The following DROSHA variants were observed in gnomAD, a reference collection of about 807,000 sequenced individuals.
The protein encoded by DROSHA is drosha ribonuclease III.
Under a neutral mutation model 181.9 loss-of-function variants are expected in DROSHA, and 56 were observed. The ratio of observed to expected loss-of-function variants is 0.31; its 90% CI spans 0.25 to 0.38. DROSHA has a LOEUF of 0.38. DROSHA is among the 10% of genes least tolerant of loss of function. The pLI is 1.00. For missense variants in DROSHA, 1,218 were observed against 1,743.5 expected (o/e 0.70, Z 5.37); for synonymous variants, 524 against 591.2 (o/e 0.89, Z 1.65).
At chr5:31,495,033 C>A (rs1752816586) in intron 12 of DROSHA, among the ~76,000 whole-genome samples, 1 of 152,130 alleles carries the variant, frequency 6.6e-6, no homozygotes. Context: ...CACTCCATAG[C>A]TCCAACATTG....
At chr5:31,435,733 G>T (rs760907780) in intron 25 of DROSHA, 32 bp downstream of exon 25, 6 of 1,594,462 alleles carry the variant, frequency 3.8e-6, no homozygotes, top group Middle Eastern at 1.7e-4. Context: ...CATGTCAGAC[G>T]TAACTACAAA....
At chr5:31,491,596 G>T (rs1474739028) in intron 13 of DROSHA, among the ~76,000 whole-genome samples, 3 of 151,720 alleles carry the variant, frequency 2.0e-5, no homozygotes, top group African/African-American at 7.3e-5. Flanking sequence ...AGCCCTCTGT[G>T]GGGAAAAAAG....
At chr5:31,469,901 T>C (rs1431734905) in intron 17 of DROSHA, among the ~76,000 whole-genome samples, 4 of 152,238 alleles carry the variant, frequency 2.6e-5, no homozygotes, top group Admixed American at 2.0e-4. Flanking sequence ...AAAGTGACCA[T>C]AATGGCTTGA....
At position 31,400,748 on chromosome 5, in the gene DROSHA, C is replaced by G. The variant is rs1358047502; in HGVS notation, c.*684G>C. 1 of 152,410 alleles carries G rather than the reference C, an allele frequency of 6.6e-6. No individual in the cohort carries two copies. The highest frequency in any genetic ancestry group is 2.4e-5 in the African/African-American group (1 of 41,442). 9.4% of individuals were successfully genotyped at this position (152,410 alleles called of 1,614,324 possible). ...TTCCTTGAAGTCTGTTCATTAACTT[C>G]TTAAAGGTTCCACTAACCCCAGGGT... On this transcript the variant is annotated 3_prime_UTR_variant, in exon 36 of 36. Transcript: ENST00000344624.
At chr5:31,447,682 G>A (rs1484443447) in intron 23 of DROSHA, among the ~76,000 whole-genome samples, 1 of 152,084 alleles carries the variant, frequency 6.6e-6, no homozygotes, top group Non-Finnish European at 1.5e-5. Flanking sequence ...ATTAAAAATG[G>A]GAAAAGGATC....
At chr5:31,477,633 A>T (rs1252136736) in intron 16 of DROSHA, among the ~76,000 whole-genome samples, 1 of 152,194 alleles carries the variant, frequency 6.6e-6, no homozygotes, top group Non-Finnish European at 1.5e-5. Flanking sequence ...CTAGACAGTC[A>T]ATTTGCAAAA....
In DROSHA at chr5:31,494,215, G is replaced by A. The variant is rs545352952; in HGVS notation, c.1756-922C>T. Among the ~76,000 whole-genome samples the A allele has an allele frequency of 4.5e-3, 688 of 152,052 alleles. 7 individuals are homozygous for A. Among genetic ancestry groups the A allele is most frequent in the African/African-American group, 0.016 (649 of 41,476 alleles). ...ACTCCTGACTTCAGGTGATCCACTC[G>A]CCTCGGCCTCCCAAAGTGCTGGGAT... On this transcript the variant is annotated intron_variant, in intron 12 of 35. Coordinates refer to ENST00000344624, the MANE Select transcript of DROSHA (RefSeq NM_001382508.1).
intron 17 of DROSHA, among the ~76,000 whole-genome samples, chr5:31,469,615 G>A (rs77201864): frequency 0.025 from 3,877 of 152,282 alleles, 81 homozygotes; most frequent in Non-Finnish European, 0.043. Context: ...GCGAACTGTG[G>A]AATAGAATGC....
intron 21 of DROSHA, among the ~76,000 whole-genome samples, chr5:31,451,057 C>A (rs1746946252): frequency 1.3e-5 from 2 of 152,084 alleles, no homozygotes; most frequent in South Asian, 2.1e-4. Context: ...CCAAAATTAG[C>A]CAGGCATGGT....
At chr5:31,421,167 G>A in intron 30 of DROSHA, 105 bp downstream of exon 30, 2 of 876,650 alleles carry the variant, frequency 2.3e-6, no homozygotes, top group Non-Finnish European at 3.6e-6. Context: ...ATAAGCTAAA[G>A]TCACTAAGAG....
chr5:31,422,111 A>C (rs1011087175), intron 29 of DROSHA, among the ~76,000 whole-genome samples: 2 of 150,796 alleles, frequency 1.3e-5, no homozygotes, highest in Non-Finnish European at 2.9e-5. Flanking sequence ...GAAAGAAAGA[A>C]AGAAAAAGAA....
Position 31,515,581 on chromosome 5 carries a change from T to C in DROSHA, c.948-17A>G. ...CCGTAACTCCTAAAAGAAAAAGATA[T>C]TTGCAAAATGTTTGGAAATGTCCAC... On this transcript the variant is annotated splice_polypyrimidine_tract_variant and intron_variant, in intron 6 of 35. Transcript: ENST00000344624. The C allele has an allele frequency of 6.4e-7, 1 of 1,551,286 alleles. No individual in the cohort carries two copies. The highest frequency in any genetic ancestry group is 8.7e-7 in the Non-Finnish European group (1 of 1,146,828).
chr5:31,417,922 A>T (rs968465549), intron 30 of DROSHA, among the ~76,000 whole-genome samples: 1 of 152,110 alleles, frequency 6.6e-6, no homozygotes, highest in Admixed American at 6.5e-5. Flanking sequence ...AGCTGCAAAA[A>T]TGACTTCACA....
Position 31,514,543 on chromosome 5 carries a change from G to A in DROSHA, c.1290+445C>T, listed in dbSNP as rs753204493. ...CCCCGTAGTTCCAGCTACTCAGGAG[G>A]CTGAAGTGGGAGAATCACTTGAGCC... On this transcript the variant is annotated intron_variant, in intron 8 of 35. Coordinates refer to ENST00000344624, the MANE Select transcript of DROSHA (RefSeq NM_001382508.1). This position sits in a 1 kb window ranked among gnomAD's most constrained non-coding sequence, Gnocchi z 4.4. Among the ~76,000 whole-genome samples, 37 of 152,258 alleles carry A rather than the reference G, an allele frequency of 2.4e-4. No homozygotes were observed. The highest frequency in any genetic ancestry group is 5.2e-4 in the Admixed American group (8 of 15,304).
chr5:31,429,440 A>G lies in DROSHA; in HGVS notation c.3216+35T>C, dbSNP rs577258492. The stretch of plus-strand genomic sequence containing the variant: ...GAAATAAAATATTCTGTAATAATAT[A>G]TAACAAAAAAAATCAAATGATTCCA... On this transcript the variant is annotated intron_variant, in intron 27 of 35. Coordinates refer to ENST00000344624, the MANE Select transcript of DROSHA (RefSeq NM_001382508.1). 30 of 1,572,778 alleles carry G rather than the reference A, an allele frequency of 1.9e-5. No individual in the cohort carries two copies. In the East Asian group the frequency reaches 6.1e-4, roughly 32 times the overall value.
chr5:31,418,356 G>T (rs111427833), intron 30 of DROSHA, among the ~76,000 whole-genome samples: 58 of 152,214 alleles, frequency 3.8e-4, no homozygotes, highest in African/African-American at 1.4e-3. Context: ...TGCAACCACA[G>T]CTCCTGGGCT....
intron 34 of DROSHA, 41 bp from the exon 35 acceptor site, chr5:31,405,764 A>C (rs1329275766): frequency 5.5e-6 from 3 of 544,946 alleles, no homozygotes; most frequent in Non-Finnish European, 8.2e-6. Flanking sequence ...TAATTTCAAG[A>C]TTCTTTTTTT....
chr5:31,529,848 G>A (rs1430549104), intron 3 of DROSHA, among the ~76,000 whole-genome samples: 41 of 151,640 alleles, frequency 2.7e-4, no homozygotes, highest in Admixed American at 2.6e-3. Flanking sequence ...TAACACACCA[G>A]TTAATGATTC....
chr5:31,466,277 G>C lies in DROSHA; in HGVS notation c.2371C>G (p.Gln791Glu). 6.2e-7 allele frequency: 1 copy of C among 1,613,460 alleles called. No individual in the cohort carries two copies. Among genetic ancestry groups the C allele is most frequent in the Non-Finnish European group, 8.5e-7 (1 of 1,179,596 alleles). The change falls in exon 19 of 36, where the codon CAA becomes GAA. Residue 791 changes from glutamine (Q) to glutamate (E), a missense_variant. Physicochemically the swap from Gln to Glu is conservative, Grantham distance 29 (BLOSUM62 2). Coordinates refer to ENST00000344624, the MANE Select transcript of DROSHA (RefSeq NM_001382508.1). ...TTCACATAACTCTTCCACAGTTTTT[G>C]GTACCTAAGGAAAAGGACAGGCAAA... ...QLSYAGDPQY[Q>E]KLWKSYVKLR...
Sources: gnomAD v4.1 joint callset for allele counts (sites outside exome capture counted in the v4.1 genomes callset) on GRCh38, gnomAD v4.1.1 for gene constraint, Gnocchi (gnomAD v3.1) non-coding constraint, MANE v1.5 for transcripts, NCBI Gene and HGNC (gene_info 2026-07-23, HGNC 2026-07-21) for gene names.